FNDC3B: variants seen among roughly 807,000 people sequenced by gnomAD.
FNDC3B encodes the protein fibronectin type III domain-containing protein 3B.
FNDC3B carries 12 observed loss-of-function variants against 151.5 expected under a neutral mutation model. That is an observed-to-expected ratio of 0.08 (90% confidence interval 0.05 to 0.13). The LOEUF is 0.13. Ranked by LOEUF, FNDC3B falls within the 10% of genes least tolerant of loss-of-function variation. The pLI is 1.00. For missense variants in FNDC3B, 1,214 were observed against 1,505.3 expected (o/e 0.81, Z 3.20); for synonymous variants, 528 against 549.0 (o/e 0.96, Z 0.54).
chr3:172,105,450 A>C (rs1719598303), intron 1 of FNDC3B, among the ~76,000 whole-genome samples: 1 of 152,078 alleles, frequency 6.6e-6, no homozygotes, highest in South Asian at 2.1e-4. Context: ...AAGAGTATGT[A>C]GAGTATAGTA....
chr3:172,247,973 T>C (rs776615711), intron 5 of FNDC3B, among the ~76,000 whole-genome samples, 197 bp downstream of exon 5: 4 of 152,202 alleles, frequency 2.6e-5, no homozygotes, highest in Non-Finnish European at 2.9e-5. Context: ...TTTAGTTCTT[T>C]TTCTTTCTTT....
chr3:172,133,247 TTAGA>T (rs1721196812), intron 2 of FNDC3B, among the ~76,000 whole-genome samples: 1 of 152,236 alleles, frequency 6.6e-6, no homozygotes, highest in Non-Finnish European at 1.5e-5. Context: ...GTTTTTAAAG[TTAGA>T]TAGCATCATA....
At chr3:172,125,704 AAC>A (rs1366615268) in intron 2 of FNDC3B, among the ~76,000 whole-genome samples, 1 of 152,248 alleles carries the variant, frequency 6.6e-6, no homozygotes, top group Non-Finnish European at 1.5e-5. Context: ...GAATAAAAGA[AAC>A]AAAGTGTATC....
chr3:172,353,632 T>C (rs147194316), intron 22 of FNDC3B, among the ~76,000 whole-genome samples: 41 of 152,302 alleles, frequency 2.7e-4, no homozygotes, highest in Non-Finnish European at 4.7e-4. Context: ...GTTGAAATTA[T>C]CAAAAACATC....
intron 11 of FNDC3B, among the ~76,000 whole-genome samples, chr3:172,327,025 T>C (rs1732389543): frequency 6.6e-6 from 1 of 152,168 alleles, no homozygotes; most frequent in Non-Finnish European, 1.5e-5. Flanking sequence ...CTGAAATGGA[T>C]ACGACACATA....
intron 1 of FNDC3B, among the ~76,000 whole-genome samples, chr3:172,095,271 G>T (rs1719043028): frequency 6.6e-6 from 1 of 152,124 alleles, no homozygotes; most frequent in Non-Finnish European, 1.5e-5. Context: ...ATCTACTAGG[G>T]ATGTTTAGAT....
At chr3:172,092,143 TAGA>T (rs918936843) in intron 1 of FNDC3B, among the ~76,000 whole-genome samples, 14 of 152,050 alleles carry the variant, frequency 9.2e-5, no homozygotes, top group African/African-American at 3.4e-4. Context: ...CATCTTGGAG[TAGA>T]AGAACAGCAA....
chr3:172,093,827 G>A (rs1718967428), intron 1 of FNDC3B, among the ~76,000 whole-genome samples: 1 of 152,218 alleles, frequency 6.6e-6, no homozygotes, highest in Non-Finnish European at 1.5e-5. Flanking sequence ...TTCAAAGGGA[G>A]GATATCTAGG....
At chr3:172,093,572 A>G (rs1274570551) in intron 1 of FNDC3B, among the ~76,000 whole-genome samples, 1 of 151,862 alleles carries the variant, frequency 6.6e-6, no homozygotes, top group Non-Finnish European at 1.5e-5. Context: ...CTAATTTTTA[A>G]ATATTTTAGA....
chr3:172,182,245 G>T (rs138133732), intron 3 of FNDC3B, among the ~76,000 whole-genome samples: 1 of 152,206 alleles, frequency 6.6e-6, no homozygotes, highest in Admixed American at 6.5e-5. Context: ...AGGAGCTGGC[G>T]TGGTCACAGG....
At chr3:172,166,145 G>T (rs979221991) in intron 3 of FNDC3B, among the ~76,000 whole-genome samples, 1 of 152,074 alleles carries the variant, frequency 6.6e-6, no homozygotes, top group South Asian at 2.1e-4. Flanking sequence ...CTTTACATTG[G>T]TGAAAAAAGT....
intron 6 of FNDC3B, among the ~76,000 whole-genome samples, chr3:172,256,976 G>C (rs1261750479): frequency 1.3e-5 from 2 of 151,922 alleles, no homozygotes; most frequent in African/African-American, 4.8e-5. Flanking sequence ...TGTCGCCCAG[G>C]CTGGAGTGCG....
chr3:172,272,649 T>C (rs936088779), intron 6 of FNDC3B, among the ~76,000 whole-genome samples: 4 of 152,230 alleles, frequency 2.6e-5, no homozygotes, highest in Admixed American at 6.5e-5. Flanking sequence ...CTGAAGAGCA[T>C]AGAACCCTAA....
chr3:172,202,601 A>G (rs968838569), intron 3 of FNDC3B, among the ~76,000 whole-genome samples: 3 of 152,200 alleles, frequency 2.0e-5, no homozygotes, highest in Non-Finnish European at 2.9e-5. Context: ...CTCCAAACGG[A>G]ACAGTGTATT....
rs1736437272 is a variant in FNDC3B, at chr3:172,399,136, A to G, written c.*1661A>G. The G allele has an allele frequency of 6.6e-6, 1 of 152,534 alleles. No individual in the cohort carries two copies. Among genetic ancestry groups the G allele is most frequent in the African/African-American group, 2.4e-5 (1 of 41,416 alleles). The allele number at this position is 152,534 out of a possible 1,614,324, so 9.4% of individuals were successfully genotyped here. A position where few individuals can be genotyped will look rare whatever the true frequency, so the allele number is the denominator to read the frequency against. On this transcript the variant is annotated 3_prime_UTR_variant, in exon 26 of 26. Coordinates refer to ENST00000415807, the MANE Select transcript of FNDC3B (RefSeq NM_022763.4). ...CCAAAGTCATGGGGAAACAAACATTATTTTGTTTTTGGTTTATTTATACTA... is the reference window on the plus strand; with the variant it reads ...CCAAAGTCATGGGGAAACAAACATTGTTTTGTTTTTGGTTTATTTATACTA...
chr3:172,393,449 T>C (rs1488312075), intron 25 of FNDC3B, among the ~76,000 whole-genome samples: 1 of 152,154 alleles, frequency 6.6e-6, no homozygotes, highest in African/African-American at 2.4e-5. Context: ...CTACAGATAA[T>C]CCAGACAGAA....
intron 3 of FNDC3B, among the ~76,000 whole-genome samples, chr3:172,216,914 T>C (rs555811307): frequency 1.5e-4 from 23 of 152,288 alleles, no homozygotes; most frequent in African/African-American, 5.3e-4. Flanking sequence ...TCTTCAATTA[T>C]TTCTGTTGCT....
At chr3:172,343,843 T>G (rs554689951) in intron 18 of FNDC3B, among the ~76,000 whole-genome samples, 203 of 152,368 alleles carry the variant, frequency 1.3e-3, no homozygotes, top group Admixed American at 3.5e-3. Flanking sequence ...CCTATAATTT[T>G]GGGATTATTT....
intron 3 of FNDC3B, among the ~76,000 whole-genome samples, chr3:172,168,477 TA>T (rs576406123): frequency 6.6e-6 from 1 of 152,346 alleles, no homozygotes; most frequent in South Asian, 2.1e-4. Context: ...ATGCTGGTGA[TA>T]GCTTCTATCA....
Sources: allele counts gnomAD v4.1 joint callset (sites outside exome capture counted in the v4.1 genomes callset), GRCh38; gene constraint gnomAD v4.1.1; transcripts MANE v1.5; gene names NCBI Gene and HGNC (gene_info 2026-07-23, HGNC 2026-07-21).